SLC36A1: variants seen among roughly 807,000 people sequenced by gnomAD.
SLC36A1 encodes proton-coupled amino acid transporter 1.
In SLC36A1, 30 loss-of-function variants were observed where a neutral mutation model predicts 47.5. That is an observed-to-expected ratio of 0.63 (90% confidence interval 0.47 to 0.86). The LOEUF is 0.86. Among genes scored for constraint, SLC36A1 ranks in the 40% least tolerant of loss-of-function variants. The pLI is 0.00. For missense variants in SLC36A1, 517 were observed against 606.0 expected (o/e 0.85, Z 1.54); for synonymous variants, 255 against 249.7 (o/e 1.02, Z -0.20).
At chr5:151,515,213 C>A in the SLC36A1 span, among the ~76,000 whole-genome samples, 1 of 152,184 alleles carries the variant, frequency 6.6e-6, no homozygotes, top group Non-Finnish European at 1.5e-5. Flanking sequence ...CACTTGGCTT[C>A]CTGCATACAA....
At chr5:151,507,505 C>T in the SLC36A1 span, 239 of 1,614,140 alleles carry the variant, frequency 1.5e-4, no homozygotes, top group African/African-American at 2.8e-3. Context: ...ATGAACGCCA[C>T]GGCCACTGTG....
chr5:151,417,543 G>C, the SLC36A1 span, among the ~76,000 whole-genome samples: 81 of 152,278 alleles, frequency 5.3e-4, no homozygotes, highest in African/African-American at 1.8e-3. Flanking sequence ...GAGATCTGTG[G>C]AACTTTAAAC....
chr5:151,554,284 CCCT>C, the SLC36A1 span: 2 of 1,364,164 alleles, frequency 1.5e-6, no homozygotes, highest in East Asian at 2.3e-5. Context: ...TGGGCTGTCT[CCCT>C]CCTCCTGAAT....
chr5:151,347,447 T>G, the SLC36A1 span: 1 of 1,614,060 alleles, frequency 6.2e-7, no homozygotes, highest in South Asian at 1.1e-5. Context: ...CTCAGTACTT[T>G]TTGTCACAGA....
At chr5:151,367,377 C>T in the SLC36A1 span, among the ~76,000 whole-genome samples, 1 of 74,900 alleles carries the variant, frequency 1.3e-5, no homozygotes, top group Non-Finnish European at 2.6e-5. Flanking sequence ...TTTTTTTTCC[C>T]CAGGGTATTA....
the SLC36A1 span, among the ~76,000 whole-genome samples, chr5:151,548,927 T>C: frequency 3.3e-5 from 5 of 152,334 alleles, no homozygotes; most frequent in East Asian, 5.8e-4. Flanking sequence ...AAATAAAAAT[T>C]ACTTCTAAAA....
At chr5:151,522,249 A>C in the SLC36A1 span, 4 of 568,740 alleles carry the variant, frequency 7.0e-6, no homozygotes, top group East Asian at 2.8e-5. Context: ...CTAACTCCAA[A>C]AGCACTGACA....
chr5:151,505,512 T>TAAGC, the SLC36A1 span: 3 of 1,603,516 alleles, frequency 1.9e-6, no homozygotes, highest in Non-Finnish European at 2.6e-6. Flanking sequence ...CAGGAAGAAA[T>TAAGC]AAGCCAAGTC....
the SLC36A1 span, among the ~76,000 whole-genome samples, chr5:151,354,415 A>C: frequency 6.6e-6 from 1 of 152,228 alleles, no homozygotes; most frequent in Non-Finnish European, 1.5e-5. Context: ...TCATTTTATC[A>C]GATCAGTGCA....
intron 7 of SLC36A1, chr5:151,470,795 CTG>C (rs1757213394): frequency 6.6e-6 from 1 of 152,224 alleles, no homozygotes; most frequent in Admixed American, 6.5e-5. Context: ...ATGTACATGA[CTG>C]TTCCTCTTGC....
At chr5:151,392,748 T>C in the SLC36A1 span, among the ~76,000 whole-genome samples, 1 of 152,232 alleles carries the variant, frequency 6.6e-6, no homozygotes, top group Admixed American at 6.5e-5. Flanking sequence ...CTAGTTTGAT[T>C]GCACTGTGGT....
chr5:151,503,018 T>G, the SLC36A1 span, among the ~76,000 whole-genome samples: 1 of 148,388 alleles, frequency 6.7e-6, no homozygotes, highest in Non-Finnish European at 1.5e-5. Flanking sequence ...TCCAACTATA[T>G]GACATGCTGG....
the SLC36A1 span, among the ~76,000 whole-genome samples, chr5:151,552,876 G>A: frequency 6.6e-6 from 1 of 152,216 alleles, no homozygotes; most frequent in African/African-American, 2.4e-5. Context: ...AAGCATTTCT[G>A]CTCTGGGTCT....
the SLC36A1 span, among the ~76,000 whole-genome samples, chr5:151,426,091 CA>C: frequency 2.0e-5 from 3 of 152,164 alleles, no homozygotes; most frequent in African/African-American, 7.2e-5. Context: ...TTGTGCATAT[CA>C]GTGCACAATA....
intron 1 of SLC36A1, among the ~76,000 whole-genome samples, chr5:151,437,390 A>G (rs1759831248): frequency 6.6e-6 from 1 of 152,238 alleles, no homozygotes; most frequent in South Asian, 2.1e-4. Context: ...ATGAAAAGCT[A>G]TAGTCTCCTT....
chr5:151,544,455 G>A, the SLC36A1 span: 1 of 1,614,132 alleles, frequency 6.2e-7, no homozygotes, highest in Non-Finnish European at 8.5e-7. Context: ...TTACTGTTAG[G>A]ACACCAGTCT....
chr5:151,534,970 A>T, the SLC36A1 span, among the ~76,000 whole-genome samples: 390 of 105,652 alleles, frequency 3.7e-3, 1 homozygote, highest in Non-Finnish European at 6.8e-3. Context: ...CTTCTAGGAA[A>T]ATATATATAT....
chr5:151,537,903 T>G, the SLC36A1 span: 1 of 1,614,156 alleles, frequency 6.2e-7, no homozygotes, highest in Non-Finnish European at 8.5e-7. Context: ...CAAAATGAAG[T>G]GTCCTGGAAA....
the SLC36A1 span, among the ~76,000 whole-genome samples, chr5:151,534,852 C>T: frequency 1.3e-5 from 2 of 151,632 alleles, no homozygotes; most frequent in African/African-American, 4.8e-5. Context: ...ATCACATTGC[C>T]AGTTTAAGAT....
Sources: allele counts gnomAD v4.1 joint callset (sites outside exome capture counted in the v4.1 genomes callset), GRCh38; gene constraint gnomAD v4.1.1; transcripts MANE v1.5; gene names NCBI Gene and HGNC (gene_info 2026-07-23, HGNC 2026-07-21).